PPP1R3A: variants seen among roughly 807,000 people sequenced by gnomAD.
PPP1R3A encodes the protein RG1.
PPP1R3A carries 29 observed loss-of-function variants against 41.7 expected under a neutral mutation model. That is an observed-to-expected ratio of 0.70 (90% CI 0.52 to 0.95). The LOEUF (loss-of-function observed/expected upper bound fraction) is 0.95. Among genes scored for constraint, PPP1R3A ranks in the 40% least tolerant of loss-of-function variants. The pLI is 0.00. For synonymous variants in PPP1R3A, 485 were observed against 453.4 expected, an observed-to-expected ratio of 1.07 and a Z score of -0.89; for missense variants, 1,352 against 1,292.4, an observed-to-expected ratio of 1.05 and a Z score of -0.71.
chr7:113,891,572 T>C (rs1796889902), intron 1 of PPP1R3A, among the ~76,000 whole-genome samples: 1 of 152,036 alleles, frequency 6.6e-6, no homozygotes, highest in African/African-American at 2.4e-5. Context: ...CAGTAACCTT[T>C]TATTTAAAAG....
intron 1 of PPP1R3A, among the ~76,000 whole-genome samples, chr7:113,907,520 C>T (rs954193731): frequency 7.0e-6 from 1 of 142,832 alleles, no homozygotes; most frequent in Non-Finnish European, 1.5e-5. Flanking sequence ...AGAATTTAAC[C>T]AAAAAAAAAA....
intron 1 of PPP1R3A, among the ~76,000 whole-genome samples, chr7:113,883,117 T>C (rs1796722527): frequency 1.3e-5 from 2 of 152,028 alleles, no homozygotes; most frequent in South Asian, 2.1e-4. Context: ...AGAATTTAGA[T>C]TTGTCCATGA....
chr7:113,880,714 GTT>G lies in PPP1R3A; in HGVS notation c.967-591_967-590del, dbSNP rs5886685. On this transcript the variant is annotated intron_variant, in intron 3 of 3. Coordinates refer to ENST00000284601, the MANE Select transcript of PPP1R3A (RefSeq NM_002711.4). ...CAGGATTTAACAGTGAGATGCCTGTGTTTTTTTTTTTTTCTCCTCATAACTGA... is the reference window on the plus strand; with the variant it reads ...CAGGATTTAACAGTGAGATGCCTGTGTTTTTTTTTTTCTCCTCATAACTGA... Among the ~76,000 whole-genome samples the G allele has an allele frequency of 6.6e-3, 959 of 145,484 alleles. 9 individuals are homozygous for G. The highest frequency in any genetic ancestry group is 0.02 in the African/African-American group (795 of 39,874).
Position 113,882,202 on chromosome 7 carries a change from T to C in PPP1R3A, c.842-39A>G, listed in dbSNP as rs1342542349. ...ATAATTGTGCCTATGTAAGATTGTT[T>C]TAATTGTAGACTTTCACAAAAGAGA... is the stretch of plus-strand genomic sequence containing the variant. On this transcript the variant is annotated intron_variant, in intron 2 of 3. Transcript: ENST00000284601. 4 of 1,600,344 alleles carry C rather than the reference T, an allele frequency of 2.5e-6. No individual in the cohort carries two copies. The East Asian group carries it at 6.7e-5, about 27-fold the overall frequency.
intron 1 of PPP1R3A, among the ~76,000 whole-genome samples, chr7:113,891,257 ATTAT>A (rs1413967562): frequency 6.6e-6 from 1 of 152,016 alleles, no homozygotes; most frequent in Non-Finnish European, 1.5e-5. Context: ...ACACAGAGTA[ATTAT>A]TTAGCATAGT....
At chr7:113,890,042 T>C (rs1258801289) in intron 1 of PPP1R3A, among the ~76,000 whole-genome samples, 2 of 151,450 alleles carry the variant, frequency 1.3e-5, no homozygotes, top group Non-Finnish European at 2.9e-5. Context: ...AGAGAAGCAA[T>C]TCCAAGCTTA....
rs902820441 is a variant in PPP1R3A, at chr7:113,918,558, G to A, written c.439C>T (p.Arg147Ter). The A allele has an allele frequency of 3.3e-5, 54 of 1,612,580 alleles. No individual in the cohort carries two copies. The highest frequency in any genetic ancestry group is 4.1e-5 in the Non-Finnish European group (48 of 1,179,196). Residue 147 changes from arginine to a stop codon, truncating the protein, a stop_gained, in exon 1 of 4, where the codon CGA (arginine) becomes TGA (stop). Transcript: ENST00000284601. LOFTEE classifies it high-confidence loss of function. Reference protein sequence around the residue: ...LGSTSIKGIIRVLNVSFEKLV... With the variant: ...LGSTSIKGII The stretch of plus-strand genomic sequence containing the variant: ...TTCTCAAAAGAAACATTCAAAACTC[G>A]AATAATACCCTTGATACTTGTAGAC...
chr7:113,897,743 G>A (rs1797000233), intron 1 of PPP1R3A, among the ~76,000 whole-genome samples: 1 of 151,718 alleles, frequency 6.6e-6, no homozygotes, highest in Non-Finnish European at 1.5e-5. Context: ...TAAATGAGTA[G>A]AATTTATTAC....
chr7:113,888,157 G>C (rs1321529881), intron 1 of PPP1R3A, among the ~76,000 whole-genome samples: 1 of 152,144 alleles, frequency 6.6e-6, no homozygotes, highest in Non-Finnish European at 1.5e-5. Context: ...AGATTGTAAA[G>C]GGCTTAGCAT....
In PPP1R3A at chr7:113,918,378, A is replaced by G; in HGVS notation, c.619T>C (p.Phe207Leu). Residue 207 changes from phenylalanine (F) to leucine (L), a missense_variant, in exon 1 of 4, where the codon TTT becomes CTT. Transcript: ENST00000284601. Reference sequence around the variant, plus strand: ...ACAGAAGTTTCATAACGTATACAAAACTCAACTTTACTGCCATCTTTTTGA... The same window carrying G: ...ACAGAAGTTTCATAACGTATACAAAGCTCAACTTTACTGCCATCTTTTTGA... ...PYQKDGSKVE[F>L]CIRYETSVGT... is the part of the protein sequence containing the mutation. 6.2e-7 allele frequency: 1 copy of G among 1,613,456 alleles called. No individual in the cohort carries two copies. Among genetic ancestry groups the G allele is most frequent in the South Asian group, 1.1e-5 (1 of 91,064 alleles).
Position 113,918,215 on chromosome 7 carries a change from C to CT in PPP1R3A, c.781dup (p.Ser261LysfsTer2). 6.3e-7 allele frequency: 1 copy of CT among 1,596,214 alleles called. No homozygotes were observed. Among genetic ancestry groups the CT allele is most frequent in the Non-Finnish European group, 8.5e-7 (1 of 1,173,792 alleles). The stretch of plus-strand genomic sequence containing the variant: ...TAAAATATGTAAGATATATCCTCAC[C>CT]TTGATTTTACCTTTAAGCAGCCTTT... On this transcript the variant is annotated frameshift_variant and splice_region_variant, in exon 1 of 4. Transcript: ENST00000284601. LOFTEE classifies it high-confidence loss of function.
At position 113,879,984 on chromosome 7, in the gene PPP1R3A, A is replaced by T; in HGVS notation, c.1108T>A (p.Phe370Ile). 6.2e-7 allele frequency: 1 copy of T among 1,613,354 alleles called. No individual in the cohort carries two copies. The highest frequency in any genetic ancestry group is 8.5e-7 in the Non-Finnish European group (1 of 1,179,510). Residue 370 changes from phenylalanine (F) to isoleucine (I), a missense_variant, in exon 4 of 4, where the codon TTC becomes ATC. Transcript: ENST00000284601. ...GAACTTGGAGACAGAGACCTTTGGA[A>T]CAAGTCAGTACATATTTCACCATGG... ...QIHGEICTDL[F>I]QRSLSPSSSA...
chr7:113,912,064 G>T (rs1797260876), intron 1 of PPP1R3A, among the ~76,000 whole-genome samples: 1 of 152,092 alleles, frequency 6.6e-6, no homozygotes, highest in Non-Finnish European at 1.5e-5. Flanking sequence ...TAATTAGTTA[G>T]AATTAAAGCC....
At chr7:113,907,540 C>T (rs2129119737) in intron 1 of PPP1R3A, among the ~76,000 whole-genome samples, 1 of 151,562 alleles carries the variant, frequency 6.6e-6, no homozygotes, top group Middle Eastern at 3.4e-3. Context: ...AATCAACATA[C>T]TTGTTCCCAT....
chr7:113,878,868 C>T lies in PPP1R3A; in HGVS notation c.2224G>A (p.Glu742Lys), dbSNP rs1284024257. 1.9e-6 allele frequency: 3 copies of T among 1,613,044 alleles called. No individual in the cohort carries two copies. The South Asian group carries it at 3.3e-5, about 18-fold the overall frequency. ...IIKTTSESTP[E>K]SMSAREKAII... ...GCTTTTTCTCTAGCAGACATGCTTT[C>T]TGGAGTACTTTCTGATGTTGTCTTA... Residue 742 changes from glutamate to lysine, a missense_variant, in exon 4 of 4, where the codon GAA (glutamate) becomes AAA (lysine). Glu to Lys is a moderately conservative substitution (Grantham distance 56). Transcript: ENST00000284601.
intron 1 of PPP1R3A, among the ~76,000 whole-genome samples, chr7:113,897,863 AGGG>A (rs1206100210): frequency 6.6e-6 from 1 of 151,826 alleles, no homozygotes; most frequent in Non-Finnish European, 1.5e-5. Context: ...ACCTGATAAA[AGGG>A]GAAAGGCAAA....
Position 113,877,878 on chromosome 7 carries a change from T to C in PPP1R3A, c.3214A>G (p.Thr1072Ala). Reference sequence around the variant, plus strand: ...AGGAAATAAGGTATTTTAGAGTTGGTATATTTTGAAAACAAAGATTCGTTG... The same window carrying C: ...AGGAAATAAGGTATTTTAGAGTTGGCATATTTTGAAAACAAAGATTCGTTG... ...QGNESLFSKY[T>A]NSKIPYFLLF... Residue 1072 changes from threonine to alanine, a missense_variant, in exon 4 of 4, where the codon ACC becomes GCC. By Grantham distance (58) the Thr-to-Ala change is moderately conservative. Coordinates refer to ENST00000284601, the MANE Select transcript of PPP1R3A (RefSeq NM_002711.4). The C allele has an allele frequency of 6.2e-7, 1 of 1,611,410 alleles. No homozygotes were observed. Among genetic ancestry groups the C allele is most frequent in the East Asian group, 2.2e-5 (1 of 44,796 alleles).
At chr7:113,884,604 A>T (rs1290606959) in intron 1 of PPP1R3A, among the ~76,000 whole-genome samples, 2 of 152,122 alleles carry the variant, frequency 1.3e-5, no homozygotes, top group Non-Finnish European at 2.9e-5. Flanking sequence ...TGAAATTCTT[A>T]GTAGAAAATA....
At chr7:113,883,980 TATAG>T (rs1796739283) in intron 1 of PPP1R3A, among the ~76,000 whole-genome samples, 1 of 151,858 alleles carries the variant, frequency 6.6e-6, no homozygotes, top group South Asian at 2.1e-4. Context: ...AAAATGTAAA[TATAG>T]AAATATAGGA....
Sources: gnomAD v4.1 joint callset for allele counts (sites outside exome capture counted in the v4.1 genomes callset) on GRCh38, gnomAD v4.1.1 for gene constraint, MANE v1.5 for transcripts, NCBI Gene and HGNC (gene_info 2026-07-23, HGNC 2026-07-21) for gene names.